The following CTXND2 variants were observed in gnomAD, a reference collection of about 807,000 sequenced individuals.
The protein encoded by CTXND2 is cortexin domain containing 2.
At chr1:150,905,173 T>C (rs1669117803) in intron 1 of CTXND2, among the ~76,000 whole-genome samples, 1 of 150,472 alleles carries the variant, frequency 6.6e-6, no homozygotes, top group Non-Finnish European at 1.5e-5. Flanking sequence ...AGGCCGAGTT[T>C]CATTCTGTTA....
chr1:150,907,390 C>G (rs1446372989), intron 1 of CTXND2, among the ~76,000 whole-genome samples: 2 of 152,162 alleles, frequency 1.3e-5, no homozygotes, highest in Non-Finnish European at 2.9e-5. Flanking sequence ...TTTCTCTATT[C>G]TAGACTTACA....
At chr1:150,895,591 G>A (rs1174771943) in intron 1 of CTXND2, among the ~76,000 whole-genome samples, 1 of 152,104 alleles carries the variant, frequency 6.6e-6, no homozygotes, top group African/African-American at 2.4e-5. Flanking sequence ...TGATCCACCT[G>A]CCTCGACCTC....
chr1:150,888,215 ATTTATT>A (rs1668798977), intron 1 of CTXND2, among the ~76,000 whole-genome samples: 1 of 122,824 alleles, frequency 8.1e-6, no homozygotes. Context: ...ATTTTACCTA[ATTTATT>A]TTTTTTTTTT....
exon 2 of CTXND2, chr1:150,912,617 T>A: frequency 2.5e-6 from 1 of 396,898 alleles, no homozygotes; most frequent in Non-Finnish European, 4.4e-6. Context: ...ACAAGCCAGT[T>A]TGTATTGTTC....
intron 1 of CTXND2, chr1:150,903,922 G>T: frequency 1.6e-6 from 1 of 642,692 alleles, no homozygotes; most frequent in Non-Finnish European, 2.9e-6. Context: ...AAGGCAAGAA[G>T]ATTTTTGTTC....
rs1489418492 is a variant in CTXND2 at position 150,898,929 on chromosome 1, A to AT, written c.-74+11616_-74+11617insT. Among the ~76,000 whole-genome samples, 251 of 135,798 alleles carry AT rather than the reference A, an allele frequency of 1.8e-3. 2 individuals carry two copies. The highest frequency in any genetic ancestry group is 3.9e-3 in the Middle Eastern group (1 of 254). The allele number at this position is 135,798 out of a possible 152,430, so 89.1% of individuals were successfully genotyped here. A position where few individuals can be genotyped will look rare whatever the true frequency, so the allele number is the denominator to read the frequency against. The stretch of plus-strand genomic sequence containing the variant: ...TGTCTCTACTAAAAATACAAAAAAA[A>AT]AAATATATATATATATATATTAGCT... On this transcript the variant is annotated intron_variant, in intron 1 of 1. Transcript: ENST00000636087.
At chr1:150,900,887 G>T (rs1669010015) in intron 1 of CTXND2, among the ~76,000 whole-genome samples, 1 of 152,162 alleles carries the variant, frequency 6.6e-6, no homozygotes, top group South Asian at 2.1e-4. Context: ...ATCCAAAGTG[G>T]GAGGATCACT....
chr1:150,905,584 A>G (rs1352135015), intron 1 of CTXND2, among the ~76,000 whole-genome samples: 1 of 152,032 alleles, frequency 6.6e-6, no homozygotes, highest in Non-Finnish European at 1.5e-5. Flanking sequence ...TACTACTTAT[A>G]ATCTAAAGAA....
intron 1 of CTXND2, among the ~76,000 whole-genome samples, chr1:150,902,739 A>G (rs1365108052): frequency 6.6e-6 from 1 of 152,092 alleles, no homozygotes; most frequent in African/African-American, 2.4e-5. Flanking sequence ...ATAGTAGGGG[A>G]AAAAACTCTT....
intron 1 of CTXND2, among the ~76,000 whole-genome samples, chr1:150,889,147 C>T (rs1050746438): frequency 1.3e-5 from 2 of 151,998 alleles, no homozygotes; most frequent in Non-Finnish European, 1.5e-5. Flanking sequence ...CAGTGGCTCA[C>T]GCCTGTAATC....
In CTXND2 at chr1:150,898,530, G is replaced by A. The variant is rs150430884; in HGVS notation, c.-74+11217G>A. Among the ~76,000 whole-genome samples, 342 of 152,160 alleles carry A rather than the reference G, an allele frequency of 2.2e-3. 2 individuals are homozygous for A. Among genetic ancestry groups the A allele is most frequent in the African/African-American group, 8.0e-3 (332 of 41,506 alleles). ...CCCAGCACGTTGGGAGGTCAAGGCG[G>A]GCGGATCACAAGGTCAAGAGATGGA... On this transcript the variant is annotated intron_variant, in intron 1 of 1. Transcript: ENST00000636087.
At chr1:150,892,788 C>G (rs587655527) in intron 1 of CTXND2, among the ~76,000 whole-genome samples, 1 of 152,216 alleles carries the variant, frequency 6.6e-6, no homozygotes, top group African/African-American at 2.4e-5. Context: ...ATCTGTCAGC[C>G]TCAACCTCCC....
intron 1 of CTXND2, among the ~76,000 whole-genome samples, chr1:150,897,548 T>C (rs1311003421): frequency 1.3e-5 from 2 of 151,994 alleles, no homozygotes; most frequent in Non-Finnish European, 2.9e-5. Context: ...GGTCTCAAAC[T>C]CCAAGCTCAA....
intron 1 of CTXND2, among the ~76,000 whole-genome samples, chr1:150,898,810 G>T (rs1350622851): frequency 4.0e-5 from 6 of 149,544 alleles, no homozygotes; most frequent in African/African-American, 1.5e-4. Context: ...GGGCACGGTG[G>T]CTCACGCCTG....
chr1:150,901,673 G>C (rs1354107929), intron 1 of CTXND2, among the ~76,000 whole-genome samples: 2 of 152,178 alleles, frequency 1.3e-5, no homozygotes, highest in Non-Finnish European at 2.9e-5. Flanking sequence ...CCAGCACTTT[G>C]GGAGGCCGAG....
Position 150,906,726 on chromosome 1 carries a change from C to CT in CTXND2, c.-73-5516_-73-5515insT, listed in dbSNP as rs200656415. ...CTAGGAAGAAAATGTGGCCAATCCC[C>CT]CCAACCCATCACAGTCTGGCCACTC... On this transcript the variant is annotated intron_variant, in intron 1 of 1. Coordinates refer to ENST00000636087, the Ensembl canonical transcript of CTXND2. Among the ~76,000 whole-genome samples, 1,286 of 152,244 alleles carry CT rather than the reference C, an allele frequency of 8.4e-3. 7 individuals carry two copies. Among genetic ancestry groups the CT allele is most frequent in the Non-Finnish European group, 0.012 (811 of 68,014 alleles).
rs140190050 is a variant in CTXND2 at position 150,900,388 on chromosome 1, A to G, written c.-73-11854A>G. Among the ~76,000 whole-genome samples, 73 of 152,324 alleles carry G rather than the reference A, an allele frequency of 4.8e-4. 1 individual carries two copies. The East Asian group carries it at 0.014, about 29-fold the overall frequency. On this transcript the variant is annotated intron_variant, in intron 1 of 1. Transcript: ENST00000636087. ...GAAGAAAGTCCAGACGCATCTGAAC[A>G]CTGGAAGGAACAAACGTTGGACACA...
chr1:150,890,846 C>A (rs765650794), intron 1 of CTXND2, among the ~76,000 whole-genome samples: 2 of 152,118 alleles, frequency 1.3e-5, no homozygotes, highest in Non-Finnish European at 2.9e-5. Context: ...ATTGTGAGTT[C>A]TGCAATATTA....
intron 1 of CTXND2, among the ~76,000 whole-genome samples, chr1:150,900,879 C>A (rs1280571391): frequency 6.6e-6 from 1 of 152,156 alleles, no homozygotes. Context: ...CGCCTGTAAT[C>A]CAAAGTGGGA....
Sources: gnomAD v4.1 joint callset for allele counts (sites outside exome capture counted in the v4.1 genomes callset) on GRCh38, gnomAD v4.1.1 for gene constraint, MANE v1.5 for transcripts, NCBI Gene and HGNC (gene_info 2026-07-23, HGNC 2026-07-21) for gene names.